Variants in DMD observed in about 807,000 individuals in gnomAD.
The protein encoded by DMD is dystrophin, also known as mutant dystrophin.
In DMD, 63 loss-of-function variants were observed where a neutral mutation model predicts 330.1. The observed-to-expected ratio is 0.19, with a 90% CI of 0.16 to 0.24. The LOEUF is 0.24. DMD is among the 10% of genes least tolerant of loss of function. DMD has a pLI of 1.00. For synonymous variants in DMD, 1,223 were observed against 959.8 expected, an observed-to-expected ratio of 1.27 and a Z score of -5.07; for missense variants, 3,344 against 2,684.1, an observed-to-expected ratio of 1.25 and a Z score of -5.43.
At chrX:32,714,218 C>A (rs1184092452) in intron 7 of DMD, among the ~76,000 whole-genome samples, 1 of 111,468 alleles carries the variant, frequency 9.0e-6, no homozygotes, top group Non-Finnish European at 1.9e-5. Context: ...AATTTTGTTA[C>A]ATGGATATGT....
At chrX:32,261,024 T>C (rs755401265) in intron 43 of DMD, among the ~76,000 whole-genome samples, 1,433 of 111,725 alleles carry the variant, frequency 0.013, 26 homozygotes, top group African/African-American at 0.044. Context: ...AGGGGACACG[T>C]GGGACACATA....
In DMD at chrX:31,891,427, C is replaced by T. The variant is rs1169543973; in HGVS notation, c.6913-16054G>A. Among the ~76,000 whole-genome samples, 4 of 111,927 alleles carry T rather than the reference C, an allele frequency of 3.6e-5. No homozygotes were observed. In the Admixed American group the frequency reaches 3.8e-4, roughly 11 times the overall value. On this transcript the variant is annotated intron_variant, in intron 47 of 78. Coordinates refer to ENST00000357033, the MANE Select transcript of DMD (RefSeq NM_004006.3). ...TTCTGCGAGGATTGTTGCCATAACC[C>T]CATTTCAACAGGAGACTTGGGCAGA...
chrX:32,191,982 G>C (rs778253095), intron 44 of DMD, among the ~76,000 whole-genome samples: 2 of 111,939 alleles, frequency 1.8e-5, no homozygotes, highest in Non-Finnish European at 3.8e-5. Flanking sequence ...TAAAACTGAG[G>C]TTACAAATAC....
chrX:31,337,265 TA>T (rs1201040131), intron 61 of DMD, among the ~76,000 whole-genome samples: 20 of 111,244 alleles, frequency 1.8e-4, no homozygotes, highest in African/African-American at 5.6e-4. Context: ...AAATGTTCCT[TA>T]TCACCTAAGC....
intron 11 of DMD, among the ~76,000 whole-genome samples, chrX:32,615,638 T>A (rs979384403): frequency 9.0e-6 from 1 of 111,704 alleles, no homozygotes; most frequent in African/African-American, 3.2e-5. Flanking sequence ...CTCTAAAATC[T>A]TTACTGGAAG....
At chrX:32,317,707 G>A (rs5971621) in intron 41 of DMD, among the ~76,000 whole-genome samples, 1 of 110,930 alleles carries the variant, frequency 9.0e-6, no homozygotes, top group East Asian at 2.8e-4. Flanking sequence ...TATGACATAT[G>A]ATTATGACAT....
chrX:31,953,773 T>A (rs957328009), intron 45 of DMD, among the ~76,000 whole-genome samples: 1 of 111,678 alleles, frequency 9.0e-6, no homozygotes, highest in Non-Finnish European at 1.9e-5. Context: ...TATTTTTGGA[T>A]TAGTAAAAGG....
chrX:32,696,109 G>T (rs1383109227), intron 9 of DMD, among the ~76,000 whole-genome samples: 1 of 111,963 alleles, frequency 8.9e-6, no homozygotes, highest in Non-Finnish European at 1.9e-5. Flanking sequence ...TCCTCTTATA[G>T]AGAACGTTAT....
chrX:32,162,901 T>G (rs2096855368), intron 44 of DMD, among the ~76,000 whole-genome samples: 1 of 110,304 alleles, frequency 9.1e-6, no homozygotes, highest in Non-Finnish European at 1.9e-5. Context: ...TGAATAGCCA[T>G]TCATTCCAAG....
intron 55 of DMD, among the ~76,000 whole-genome samples, chrX:31,565,138 G>A (rs959000916): frequency 9.0e-6 from 1 of 111,633 alleles, no homozygotes; most frequent in Non-Finnish European, 1.9e-5. Context: ...GTATACCCCT[G>A]ACCCCGTCTC....
intron 45 of DMD, among the ~76,000 whole-genome samples, chrX:31,959,771 T>G (rs2095283082): frequency 2.0e-5 from 1 of 49,735 alleles, no homozygotes; most frequent in African/African-American, 5.9e-5. Context: ...GCACCGTGGT[T>G]TTTTTTTTTT....
chrX:33,093,031 G>A (rs1208136567), intron 1 of DMD, among the ~76,000 whole-genome samples: 1 of 110,452 alleles, frequency 9.1e-6, no homozygotes, highest in Admixed American at 9.7e-5. Context: ...CCGCCACCAC[G>A]TCCGGCTAAT....
In DMD at chrX:33,121,397, A is replaced by AT. The variant is rs758176603; in HGVS notation, c.31+89884dup. Among the ~76,000 whole-genome samples, 456 of 109,797 alleles carry AT rather than the reference A, an allele frequency of 4.2e-3. 3 individuals are homozygous for AT. The highest frequency in any genetic ancestry group is 0.015 in the African/African-American group (442 of 30,169). On this transcript the variant is annotated intron_variant, in intron 1 of 78. Coordinates refer to ENST00000357033, the MANE Select transcript of DMD (RefSeq NM_004006.3). ...AGGCGCATGCCACCATGTCTGGTTA[A>AT]TTTTTTTGTATTTTTGGTAGAGACG... is the stretch of plus-strand genomic sequence containing the variant.
At chrX:33,272,342 G>A (rs1017638847) in intron 1 of DMD, among the ~76,000 whole-genome samples, 5 of 112,155 alleles carry the variant, frequency 4.5e-5, no homozygotes, top group African/African-American at 1.3e-4. Flanking sequence ...GATCAGAGAG[G>A]AAATGTATTT....
At chrX:32,989,207 CACTCT>C (rs1317697211) in intron 2 of DMD, among the ~76,000 whole-genome samples, 2 of 111,418 alleles carry the variant, frequency 1.8e-5, no homozygotes. Context: ...AACTTTATGG[CACTCT>C]AGTTCAGAAC....
At chrX:33,124,825 G>C (rs2095451509) in intron 1 of DMD, among the ~76,000 whole-genome samples, 1 of 109,202 alleles carries the variant, frequency 9.2e-6, no homozygotes, top group Admixed American at 9.9e-5. Context: ...AGGAGTTCGA[G>C]ACCAGCCTGA....
intron 55 of DMD, among the ~76,000 whole-genome samples, chrX:31,619,509 C>T (rs1432561758): frequency 9.0e-6 from 1 of 111,459 alleles, no homozygotes; most frequent in African/African-American, 3.3e-5. Context: ...TAATAAGGAC[C>T]TTTCACTTGA....
intron 55 of DMD, among the ~76,000 whole-genome samples, chrX:31,582,974 G>C (rs1031264649): frequency 1.8e-5 from 2 of 112,376 alleles, no homozygotes; most frequent in Admixed American, 9.4e-5. Context: ...TTCTGAAATA[G>C]AGAATAGAGG....
chrX:31,320,378 T>C (rs1165265961), intron 62 of DMD, among the ~76,000 whole-genome samples: 1 of 111,946 alleles, frequency 8.9e-6, no homozygotes, highest in Non-Finnish European at 1.9e-5. Flanking sequence ...TATCCCAGCA[T>C]TGAAAAGAAA....
Sources: gnomAD v4.1 joint callset for allele counts (sites outside exome capture counted in the v4.1 genomes callset) on GRCh38, gnomAD v4.1.1 for gene constraint, MANE v1.5 for transcripts, NCBI Gene and HGNC (gene_info 2026-07-23, HGNC 2026-07-21) for gene names.